The following AGBL4 variants were observed in gnomAD, a reference collection of about 807,000 sequenced individuals.
AGBL4 encodes AGBL carboxypeptidase 4.
AGBL4 carries 58 observed loss-of-function variants against 66.4 expected under a neutral mutation model. The observed-to-expected ratio is 0.87, with a 90% CI of 0.71 to 1.09. The LOEUF is 1.09. Ranked by LOEUF, AGBL4 falls within the 50% of genes least tolerant of loss-of-function variation. The probability of loss-of-function intolerance (pLI) is 0.00; values close to 1 mark genes in which losing one functional copy is unlikely to be tolerated. For missense variants in AGBL4, 579 were observed against 631.0 expected, an observed-to-expected ratio of 0.92 and a Z score of 0.88; for synonymous variants, 234 against 222.9, an observed-to-expected ratio of 1.05 and a Z score of -0.44.
chr1:49,987,319 T>C (rs1659579998), intron 1 of AGBL4, among the ~76,000 whole-genome samples: 1 of 152,062 alleles, frequency 6.6e-6, no homozygotes, highest in Non-Finnish European at 1.5e-5. Flanking sequence ...CTTTGGTATA[T>C]TGTTAACATT....
chr1:49,498,374 G>T (rs1458126687), intron 3 of AGBL4, among the ~76,000 whole-genome samples: 1 of 151,634 alleles, frequency 6.6e-6, no homozygotes, highest in Non-Finnish European at 1.5e-5. Context: ...TTGCCTAATT[G>T]CTTGGACTTC....
chr1:49,063,557 G>A (rs1327323093), intron 4 of AGBL4, among the ~76,000 whole-genome samples: 1 of 152,138 alleles, frequency 6.6e-6, no homozygotes, highest in East Asian at 1.9e-4. Context: ...ATCAAGTCCT[G>A]TTCTTGATGC....
intron 1 of AGBL4, among the ~76,000 whole-genome samples, chr1:49,967,764 TC>T (rs1418731915): frequency 6.6e-6 from 1 of 152,212 alleles, no homozygotes; most frequent in Non-Finnish European, 1.5e-5. Context: ...TTTTGCTAAC[TC>T]CATAGAGTAA....
chr1:48,859,813 A>C (rs944882707), intron 6 of AGBL4, among the ~76,000 whole-genome samples: 1 of 152,248 alleles, frequency 6.6e-6, no homozygotes, highest in African/African-American at 2.4e-5. Context: ...CTAAAGAAAT[A>C]GTTAGAGATA....
At chr1:49,747,438 C>A (rs1651073661) in intron 2 of AGBL4, among the ~76,000 whole-genome samples, 1 of 152,126 alleles carries the variant, frequency 6.6e-6, no homozygotes, top group African/African-American at 2.4e-5. Flanking sequence ...ATAAGAAATT[C>A]TGATGAACAA....
intron 3 of AGBL4, among the ~76,000 whole-genome samples, chr1:49,432,459 C>G (rs1180892729): frequency 6.6e-6 from 1 of 152,120 alleles, no homozygotes; most frequent in African/African-American, 2.4e-5. Context: ...CAGCCCAACC[C>G]TCAGTTTGGT....
Position 48,654,564 on chromosome 1 carries a change from G to A in AGBL4, c.725-1113C>T, listed in dbSNP as rs140555792. Among the ~76,000 whole-genome samples the A allele has an allele frequency of 2.3e-4, 35 of 152,316 alleles. 1 individual carries two copies. The East Asian group carries it at 2.3e-3, about 10-fold the overall frequency. ...TCCCACAATGCAGAAGTGGGGCCCC[G>A]TTCCTGCTGGAGAGAGCAAGAAAGG... On this transcript the variant is annotated intron_variant, in intron 7 of 13. Transcript: ENST00000371839.
intron 3 of AGBL4, among the ~76,000 whole-genome samples, chr1:49,428,157 A>G (rs1441870314): frequency 6.6e-6 from 1 of 152,218 alleles, no homozygotes; most frequent in Non-Finnish European, 1.5e-5. Flanking sequence ...CACATTGGCT[A>G]ATGAACTATT....
At chr1:49,524,988 T>C (rs749297824) in intron 3 of AGBL4, among the ~76,000 whole-genome samples, 2 of 152,100 alleles carry the variant, frequency 1.3e-5, no homozygotes, top group Non-Finnish European at 2.9e-5. Context: ...CTCAATAATT[T>C]ACGACTGCAT....
intron 6 of AGBL4, among the ~76,000 whole-genome samples, chr1:48,712,576 C>T (rs1646985654): frequency 7.0e-6 from 1 of 142,958 alleles, no homozygotes; most frequent in African/African-American, 2.5e-5. Flanking sequence ...CAGCTCCTTA[C>T]CCCCACAGTG....
chr1:49,389,999 G>T (rs942362700), intron 3 of AGBL4, among the ~76,000 whole-genome samples: 1 of 152,104 alleles, frequency 6.6e-6, no homozygotes, highest in Non-Finnish European at 1.5e-5. Context: ...TTCATGCTAG[G>T]CTAGTCCCTT....
chr1:49,706,854 T>C (rs1298383590), intron 2 of AGBL4, among the ~76,000 whole-genome samples: 1 of 152,190 alleles, frequency 6.6e-6, no homozygotes, highest in Non-Finnish European at 1.5e-5. Flanking sequence ...TTGTATGGTT[T>C]TGAGTGAGTA....
chr1:49,695,801 T>C (rs939610360), intron 3 of AGBL4, among the ~76,000 whole-genome samples: 3 of 152,108 alleles, frequency 2.0e-5, no homozygotes, highest in East Asian at 1.9e-4. Flanking sequence ...AAATATTGCA[T>C]ACACTCAGTC....
chr1:49,968,141 T>G (rs1486482291), intron 1 of AGBL4, among the ~76,000 whole-genome samples: 1 of 151,078 alleles, frequency 6.6e-6, no homozygotes, highest in South Asian at 2.1e-4. Flanking sequence ...GAGAATCACT[T>G]GAACTCAGGA....
Position 48,538,080 on chromosome 1 carries a change from T to C in AGBL4, c.1364+1562A>G, listed in dbSNP as rs528573722. 2.0e-4 allele frequency among the ~76,000 whole-genome samples: 31 copies of C among 152,280 alleles called. 1 individual carries two copies. In the South Asian group the frequency reaches 6.4e-3, roughly 32 times the overall value. On this transcript the variant is annotated intron_variant, in intron 12 of 13. Transcript: ENST00000371839. ...TCCTGCAAGAGTTTCTAATATGCCA[T>C]GGTGGTGGGGCACAAAGACCCTAGA...
chr1:48,853,124 A>G (rs1356667520), intron 6 of AGBL4, among the ~76,000 whole-genome samples: 2 of 152,160 alleles, frequency 1.3e-5, no homozygotes, highest in African/African-American at 4.8e-5. Context: ...AAGGAAGTCA[A>G]TTGCCATGTT....
At position 48,736,434 on chromosome 1, in the gene AGBL4, T is replaced by G. The variant is rs745897866; in HGVS notation, c.635-73193A>C. 2.5e-6 allele frequency: 4 copies of G among 1,614,170 alleles called. No homozygotes were observed. The East Asian group carries it at 8.9e-5, about 36-fold the overall frequency. On this transcript the variant is annotated intron_variant, in intron 6 of 13. Coordinates refer to ENST00000371839, the MANE Select transcript of AGBL4 (RefSeq NM_032785.4). The surrounding 1 kb of genome is among the most constrained non-coding windows in gnomAD (Gnocchi z 4.0). ...TGCCATTTCTCCTCATCAACCCAAA[T>G]CCCGCTTCCCAGATGGACCTGAGAG...
intron 9 of AGBL4, among the ~76,000 whole-genome samples, chr1:48,622,541 T>C (rs1452757708): frequency 7.3e-6 from 1 of 137,040 alleles, no homozygotes; most frequent in Non-Finnish European, 1.5e-5. Context: ...TGGAGTGCAA[T>C]GGCACAATCT....
intron 5 of AGBL4, among the ~76,000 whole-genome samples, chr1:48,878,141 G>C (rs866457349): frequency 1.3e-5 from 2 of 152,124 alleles, no homozygotes; most frequent in Middle Eastern, 3.2e-3. Flanking sequence ...GTCTCTAGTT[G>C]GGTGGAAGAG....
Sources: allele counts gnomAD v4.1 joint callset (sites outside exome capture counted in the v4.1 genomes callset), GRCh38; gene constraint gnomAD v4.1.1; non-coding constraint Gnocchi (gnomAD v3.1); transcripts MANE v1.5; gene names NCBI Gene and HGNC (gene_info 2026-07-23, HGNC 2026-07-21).